Variants in GABRB2 observed in about 807,000 individuals in gnomAD.
The protein encoded by GABRB2 is gamma-aminobutyric acid type A receptor subunit beta2.
Under a neutral mutation model 54.7 loss-of-function variants are expected in GABRB2, and 16 were observed. The ratio of observed to expected loss-of-function variants is 0.29; its 90% confidence interval spans 0.20 to 0.44. The LOEUF (loss-of-function observed/expected upper bound fraction) is 0.44. Among genes scored for constraint, GABRB2 ranks in the 20% least tolerant of loss-of-function variants. The pLI is 1.00. For missense variants in GABRB2, 355 were observed against 644.0 expected, an observed-to-expected ratio of 0.55 and a Z score of 4.86; for synonymous variants, 244 against 233.8, an observed-to-expected ratio of 1.04 and a Z score of -0.40.
At chr5:161,363,013 C>T (rs1754859126) in intron 5 of GABRB2, among the ~76,000 whole-genome samples, 1 of 152,142 alleles carries the variant, frequency 6.6e-6, no homozygotes. Context: ...TTTGACCCAG[C>T]AATCCCATTA....
intron 4 of GABRB2, among the ~76,000 whole-genome samples, chr5:161,423,498 T>C (rs540256805): frequency 9.8e-5 from 15 of 152,302 alleles, no homozygotes; most frequent in Admixed American, 7.2e-4. Context: ...TCAATTTTTA[T>C]TATGTCTGTC....
intron 9 of GABRB2, among the ~76,000 whole-genome samples, chr5:161,314,867 A>G (rs895008226): frequency 6.6e-6 from 1 of 152,222 alleles, no homozygotes; most frequent in Admixed American, 6.6e-5. Context: ...AAAAAAGGAA[A>G]GAACGAAATA....
At chr5:161,519,377 T>C (rs1021487995) in intron 3 of GABRB2, among the ~76,000 whole-genome samples, 1 of 152,166 alleles carries the variant, frequency 6.6e-6, no homozygotes, top group Non-Finnish European at 1.5e-5. Flanking sequence ...TAAAGAAGAA[T>C]ATATTTCCCA....
At chr5:161,542,405 A>G (rs546137787) in intron 3 of GABRB2, among the ~76,000 whole-genome samples, 35 of 152,304 alleles carry the variant, frequency 2.3e-4, no homozygotes, top group African/African-American at 7.7e-4. Flanking sequence ...CTAGAATAAA[A>G]CAAGGTATAT....
chr5:161,298,522 T>G (rs1475120365), intron 9 of GABRB2, among the ~76,000 whole-genome samples: 1 of 152,202 alleles, frequency 6.6e-6, no homozygotes, highest in African/African-American at 2.4e-5. Flanking sequence ...ATTAATTTTG[T>G]GAACTCTTAG....
chr5:161,390,280 A>T (rs776399658), intron 5 of GABRB2, among the ~76,000 whole-genome samples: 1 of 152,078 alleles, frequency 6.6e-6, no homozygotes, highest in Non-Finnish European at 1.5e-5. Flanking sequence ...AACCAGTCTA[A>T]TGATGAGAAA....
intron 4 of GABRB2, among the ~76,000 whole-genome samples, chr5:161,413,171 T>A (rs954329498): frequency 1.3e-5 from 2 of 152,202 alleles, no homozygotes; most frequent in Non-Finnish European, 2.9e-5. Context: ...ATATGATGGA[T>A]GAATAAATAA....
intron 5 of GABRB2, among the ~76,000 whole-genome samples, chr5:161,379,821 C>T (rs941908266): frequency 1.3e-5 from 2 of 152,066 alleles, no homozygotes; most frequent in Admixed American, 6.6e-5. Context: ...GAAAGGGGAA[C>T]ATTTGAAGCC....
chr5:161,326,577 T>C, intron 8 of GABRB2, 96 bp from the exon 9 acceptor site: 4 of 1,362,710 alleles, frequency 2.9e-6, no homozygotes, highest in Non-Finnish European at 3.9e-6. Context: ...TAAATGCTAC[T>C]GGCCTTTAGA....
chr5:161,395,279 A>G (rs1425751525), intron 5 of GABRB2, among the ~76,000 whole-genome samples: 1 of 152,050 alleles, frequency 6.6e-6, no homozygotes, highest in Non-Finnish European at 1.5e-5. Context: ...CTATCTTTCC[A>G]TAGTTTGAAG....
intron 5 of GABRB2, among the ~76,000 whole-genome samples, chr5:161,351,474 T>C (rs1561618565): frequency 6.6e-6 from 1 of 152,024 alleles, no homozygotes; most frequent in Non-Finnish European, 1.5e-5. Context: ...ATAAATAGCA[T>C]TGGAACAACC....
chr5:161,449,091 C>T (rs1390843065), intron 4 of GABRB2, among the ~76,000 whole-genome samples: 1 of 152,168 alleles, frequency 6.6e-6, no homozygotes. Flanking sequence ...TCCATCAACA[C>T]TTTCAGTACC....
At chr5:161,413,819 G>C (rs1756589156) in intron 4 of GABRB2, among the ~76,000 whole-genome samples, 1 of 152,110 alleles carries the variant, frequency 6.6e-6, no homozygotes, top group Non-Finnish European at 1.5e-5. Context: ...AAAAGAGAGA[G>C]AGCCAAGTAT....
At chr5:161,401,330 C>T (rs1234239693) in intron 5 of GABRB2, among the ~76,000 whole-genome samples, 1 of 152,136 alleles carries the variant, frequency 6.6e-6, no homozygotes, top group East Asian at 1.9e-4. Context: ...ACAAAAATAA[C>T]TATATTTCAA....
rs550722641 is a variant in GABRB2, at chr5:161,422,927, A to G, written c.459-11870T>C. On this transcript the variant is annotated intron_variant, in intron 4 of 9. Coordinates refer to ENST00000393959, the MANE Select transcript of GABRB2 (RefSeq NM_001371727.1). Reference sequence around the variant, plus strand: ...AAGATGATAAAATGATGTCTATACAAATATCTTTCTAATGATTGAATTCCA... The same window carrying G: ...AAGATGATAAAATGATGTCTATACAGATATCTTTCTAATGATTGAATTCCA... 2.0e-5 allele frequency among the ~76,000 whole-genome samples: 3 copies of G among 152,288 alleles called. No homozygotes were observed. The South Asian group carries it at 6.2e-4, about 32-fold the overall frequency.
intron 3 of GABRB2, among the ~76,000 whole-genome samples, chr5:161,508,823 C>G (rs1288506809): frequency 6.6e-6 from 1 of 151,962 alleles, no homozygotes; most frequent in Non-Finnish European, 1.5e-5. Context: ...TTGCATATGT[C>G]ACATAGATAC....
chr5:161,502,366 A>G (rs983435676), intron 3 of GABRB2, among the ~76,000 whole-genome samples: 3 of 152,192 alleles, frequency 2.0e-5, no homozygotes, highest in Non-Finnish European at 2.9e-5. Flanking sequence ...TAGAATAGAT[A>G]CAAAACACAT....
chr5:161,359,125 A>C (rs1754727336), intron 5 of GABRB2, among the ~76,000 whole-genome samples: 1 of 152,106 alleles, frequency 6.6e-6, no homozygotes, highest in Non-Finnish European at 1.5e-5. Flanking sequence ...ATTGGCAGAG[A>C]GGGGGAAAAA....
intron 4 of GABRB2, among the ~76,000 whole-genome samples, chr5:161,430,519 T>C (rs1343486168): frequency 6.6e-6 from 1 of 152,128 alleles, no homozygotes; most frequent in African/African-American, 2.4e-5. Context: ...TCTAGTCTTG[T>C]AACCCAAAGA....
Sources: gnomAD v4.1 joint callset for allele counts (sites outside exome capture counted in the v4.1 genomes callset) on GRCh38, gnomAD v4.1.1 for gene constraint, MANE v1.5 for transcripts, NCBI Gene and HGNC (gene_info 2026-07-23, HGNC 2026-07-21) for gene names.